Variants in BRD10 observed in about 807,000 individuals in gnomAD.
The protein encoded by BRD10 is uncharacterized bromodomain-containing protein 10.
At chr9:5,937,067 T>A in the BRD10 span, among the ~76,000 whole-genome samples, 1 of 150,916 alleles carries the variant, frequency 6.6e-6, no homozygotes, top group South Asian at 2.1e-4. Flanking sequence ...CTGTCTCTAT[T>A]AAAAATACAA....
the BRD10 span, chr9:5,921,280 ATCCTT>A: frequency 6.2e-7 from 1 of 1,613,998 alleles, no homozygotes; most frequent in Non-Finnish European, 8.5e-7. Flanking sequence ...CAATTTTCAC[ATCCTT>A]TATCTGAGAC....
the BRD10 span, among the ~76,000 whole-genome samples, chr9:5,980,963 C>G: frequency 6.6e-6 from 1 of 152,170 alleles, no homozygotes; most frequent in Non-Finnish European, 1.5e-5. Flanking sequence ...AAACACCTTC[C>G]TCTTCTAACA....
the BRD10 span, chr9:6,007,641 C>A: frequency 1.2e-6 from 2 of 1,602,644 alleles, no homozygotes; most frequent in Non-Finnish European, 1.7e-6. Context: ...CGTCCTCCAG[C>A]GAGGAGGCAC....
At chr9:6,003,124 G>A in the BRD10 span, among the ~76,000 whole-genome samples, 2 of 152,042 alleles carry the variant, frequency 1.3e-5, no homozygotes, top group African/African-American at 2.4e-5. Context: ...TAACAATATG[G>A]AAATCAAGAA....
chr9:5,936,853 G>C, the BRD10 span, among the ~76,000 whole-genome samples: 1 of 152,104 alleles, frequency 6.6e-6, no homozygotes, highest in Non-Finnish European at 1.5e-5. Flanking sequence ...TTAAACAGAA[G>C]ACAATACAAA....
the BRD10 span, among the ~76,000 whole-genome samples, chr9:6,001,704 C>T: frequency 2.6e-5 from 4 of 152,192 alleles, no homozygotes; most frequent in African/African-American, 9.7e-5. Flanking sequence ...ACCCACTCTT[C>T]AAAACCTAGC....
the BRD10 span, among the ~76,000 whole-genome samples, chr9:5,956,140 T>C: frequency 2.0e-5 from 3 of 152,082 alleles, no homozygotes; most frequent in Non-Finnish European, 4.4e-5. Flanking sequence ...AAAAGCGCCA[T>C]TTGATTTTGT....
chr9:6,007,305 G>A, the BRD10 span: 1 of 1,613,848 alleles, frequency 6.2e-7, no homozygotes, highest in South Asian at 1.1e-5. Flanking sequence ...GCATCAACCT[G>A]AAGTCCGCCA....
the BRD10 span, among the ~76,000 whole-genome samples, chr9:5,953,575 T>A: frequency 6.6e-6 from 1 of 152,086 alleles, no homozygotes; most frequent in Non-Finnish European, 1.5e-5. Context: ...TACCATTTAT[T>A]TCTACAGTGC....
the BRD10 span, among the ~76,000 whole-genome samples, chr9:5,960,090 T>C: frequency 6.6e-6 from 1 of 152,230 alleles, no homozygotes; most frequent in Non-Finnish European, 1.5e-5. Context: ...GCACAGCACA[T>C]TGATTTTTTC....
chr9:5,927,533 C>T, the BRD10 span, among the ~76,000 whole-genome samples: 1 of 152,168 alleles, frequency 6.6e-6, no homozygotes, highest in Non-Finnish European at 1.5e-5. Flanking sequence ...TTCCATTTCT[C>T]TCCCCTAATT....
At chr9:6,000,814 C>T in the BRD10 span, among the ~76,000 whole-genome samples, 1 of 152,126 alleles carries the variant, frequency 6.6e-6, no homozygotes, top group Non-Finnish European at 1.5e-5. Context: ...TAACCCTAAT[C>T]TTTTTTCTTT....
chr9:6,001,555 A>G, the BRD10 span, among the ~76,000 whole-genome samples: 1 of 152,186 alleles, frequency 6.6e-6, no homozygotes, highest in Non-Finnish European at 1.5e-5. Flanking sequence ...ACTTTTAATT[A>G]TGTGTTTCTG....
the BRD10 span, among the ~76,000 whole-genome samples, chr9:5,941,631 A>G: frequency 6.6e-6 from 1 of 152,204 alleles, no homozygotes; most frequent in South Asian, 2.1e-4. Context: ...ACCATAAACA[A>G]AATTAGTTGC....
At chr9:6,006,636 T>C in the BRD10 span, among the ~76,000 whole-genome samples, 1 of 152,200 alleles carries the variant, frequency 6.6e-6, no homozygotes, top group East Asian at 1.9e-4. Context: ...AAAAATTGGG[T>C]GTCCTCAGAT....
At chr9:5,921,216 G>A in the BRD10 span, 3 of 1,613,696 alleles carry the variant, frequency 1.9e-6, no homozygotes, top group African/African-American at 1.3e-5. Flanking sequence ...TTAATTGATG[G>A]TATAGCTGGC....
At chr9:5,940,541 G>A in the BRD10 span, among the ~76,000 whole-genome samples, 1 of 152,138 alleles carries the variant, frequency 6.6e-6, no homozygotes, top group East Asian at 1.9e-4. Context: ...TTTCCGTATT[G>A]TAAAAATGAT....
At chr9:5,882,539 G>C in the BRD10 span, among the ~76,000 whole-genome samples, 5 of 152,156 alleles carry the variant, frequency 3.3e-5, no homozygotes, top group Non-Finnish European at 7.3e-5. Context: ...TTGCACAAAG[G>C]CCATCACAAC....
At chr9:5,920,836 T>A in the BRD10 span, 1 of 1,613,848 alleles carries the variant, frequency 6.2e-7, no homozygotes, top group African/African-American at 1.3e-5. Context: ...TCAGAACAGA[T>A]GATGCAAGGT....
Sources: gnomAD v4.1 joint callset for allele counts (sites outside exome capture counted in the v4.1 genomes callset) on GRCh38, gnomAD v4.1.1 for gene constraint, MANE v1.5 for transcripts, NCBI Gene and HGNC (gene_info 2026-07-23, HGNC 2026-07-21) for gene names.